CPNE4: variants seen among roughly 807,000 people sequenced by gnomAD.
CPNE4 encodes the protein copine-4.
CPNE4 carries 25 observed loss-of-function variants against 67.9 expected under a neutral mutation model. The ratio of observed to expected loss-of-function variants is 0.37; its 90% CI spans 0.27 to 0.51. The LOEUF is 0.51. Among genes scored for constraint, CPNE4 ranks in the 20% least tolerant of loss-of-function variants. CPNE4 has a pLI of 0.93. For synonymous variants in CPNE4, 242 were observed against 244.9 expected (o/e 0.99, Z 0.11); for missense variants, 464 against 690.8 (o/e 0.67, Z 3.68).
intron 2 of CPNE4, among the ~76,000 whole-genome samples, chr3:131,764,558 T>C (rs552499555): frequency 6.6e-6 from 1 of 152,076 alleles, no homozygotes; most frequent in Admixed American, 6.6e-5. Flanking sequence ...GTGGTGAAAA[T>C]TGTACATTCC....
At chr3:131,946,617 G>A (rs1322910173) in intron 1 of CPNE4, among the ~76,000 whole-genome samples, 2 of 152,118 alleles carry the variant, frequency 1.3e-5, no homozygotes, top group Non-Finnish European at 2.9e-5. Context: ...GTTGAGTTGT[G>A]AGAGTTCTTT....
intron 7 of CPNE4, among the ~76,000 whole-genome samples, chr3:131,667,256 T>C (rs780988461): frequency 6.6e-6 from 1 of 151,962 alleles, no homozygotes; most frequent in African/African-American, 2.4e-5. Flanking sequence ...TCTCTTCTTC[T>C]GATTTTGAAA....
At chr3:131,836,352 A>G (rs1375132821) in intron 2 of CPNE4, among the ~76,000 whole-genome samples, 2 of 152,236 alleles carry the variant, frequency 1.3e-5, no homozygotes, top group African/African-American at 2.4e-5. Flanking sequence ...CTAAAAGAAA[A>G]AAAGTGTACG....
chr3:131,960,172 G>A (rs954608341), intron 1 of CPNE4, among the ~76,000 whole-genome samples: 7 of 150,886 alleles, frequency 4.6e-5, no homozygotes, highest in Non-Finnish European at 1.0e-4. Flanking sequence ...TGGCATAAAA[G>A]GGATTTATAA....
intron 1 of CPNE4, among the ~76,000 whole-genome samples, chr3:131,988,495 G>A (rs2073107084): frequency 2.0e-5 from 3 of 152,184 alleles, no homozygotes; most frequent in African/African-American, 7.2e-5. Context: ...GATGATATTA[G>A]CTTGGATGAG....
At chr3:131,574,106 A>C (rs758904157) in intron 10 of CPNE4, among the ~76,000 whole-genome samples, 82 of 152,164 alleles carry the variant, frequency 5.4e-4, no homozygotes, top group Admixed American at 2.0e-3. Context: ...CTTGGGCCCA[A>C]AGCTTGACTA....
At chr3:131,736,606 T>G (rs1392513252) in intron 2 of CPNE4, among the ~76,000 whole-genome samples, 11 of 109,308 alleles carry the variant, frequency 1.0e-4, no homozygotes, top group Non-Finnish European at 2.1e-4. Flanking sequence ...AGAGCAAGAC[T>G]GTCTCAAAAA....
At chr3:131,615,514 A>T (rs559096197) in intron 7 of CPNE4, among the ~76,000 whole-genome samples, 110 of 152,326 alleles carry the variant, frequency 7.2e-4, no homozygotes, top group African/African-American at 2.6e-3. Flanking sequence ...AACCTCACTA[A>T]TTGAAGAACC....
intron 10 of CPNE4, among the ~76,000 whole-genome samples, chr3:131,566,277 G>C (rs1937053022): frequency 6.6e-6 from 1 of 151,854 alleles, no homozygotes; most frequent in African/African-American, 2.4e-5. Flanking sequence ...TAAAACTTAA[G>C]AAAAGGAAAA....
At chr3:131,852,026 T>C (rs190759234) in intron 2 of CPNE4, among the ~76,000 whole-genome samples, 17 of 152,182 alleles carry the variant, frequency 1.1e-4, no homozygotes, top group South Asian at 6.2e-4. Context: ...CTCTGACTTA[T>C]GCAAGGTCAA....
intron 7 of CPNE4, among the ~76,000 whole-genome samples, chr3:131,612,361 G>C (rs1939898264): frequency 6.6e-6 from 1 of 152,076 alleles, no homozygotes. Flanking sequence ...GCAACAGAGT[G>C]GGACTGTGTG....
Position 131,817,679 on chromosome 3 carries a change from G to A in CPNE4, c.180+87585C>T, listed in dbSNP as rs1240723314. Among the ~76,000 whole-genome samples, 3 of 152,182 alleles carry A rather than the reference G, an allele frequency of 2.0e-5. No individual in the cohort carries two copies. The East Asian group carries it at 5.8e-4, about 29-fold the overall frequency. On this transcript the variant is annotated intron_variant, in intron 2 of 15. Transcript: ENST00000429747. ...CCAGCAAGGGAAAAATGATTGAAAA[G>A]TGCAGGCCAGAACAACACAGAAATT...
chr3:131,952,254 G>C (rs934706814), intron 1 of CPNE4, among the ~76,000 whole-genome samples: 1 of 145,258 alleles, frequency 6.9e-6, no homozygotes, highest in African/African-American at 2.5e-5. Context: ...GCCCGGCCGC[G>C]AACCCGTATG....
At chr3:131,966,226 T>C (rs2072339723) in intron 1 of CPNE4, among the ~76,000 whole-genome samples, 1 of 152,122 alleles carries the variant, frequency 6.6e-6, no homozygotes, top group African/African-American at 2.4e-5. Context: ...TAAAGCAGTG[T>C]TTAGAGGAAA....
chr3:132,017,788 T>G (rs2073916468), intron 1 of CPNE4: 1 of 152,270 alleles, frequency 6.6e-6, no homozygotes, highest in African/African-American at 2.4e-5. Context: ...CTCCTCTTAT[T>G]AGTGCCAAGG....
chr3:131,757,376 T>C (rs1312948844), intron 2 of CPNE4, among the ~76,000 whole-genome samples: 1 of 152,210 alleles, frequency 6.6e-6, no homozygotes, highest in Non-Finnish European at 1.5e-5. Context: ...TGTTATGTTT[T>C]AGCAAAGAGA....
chr3:131,912,028 G>A (rs2107790595), intron 1 of CPNE4, among the ~76,000 whole-genome samples: 1 of 152,266 alleles, frequency 6.6e-6, no homozygotes, highest in South Asian at 2.1e-4. Flanking sequence ...TAGAGAACAG[G>A]ATTAATATAG....
At chr3:131,927,003 G>C (rs533480595) in intron 1 of CPNE4, among the ~76,000 whole-genome samples, 2 of 152,220 alleles carry the variant, frequency 1.3e-5, no homozygotes, top group Admixed American at 1.3e-4. Context: ...GACAGAACAA[G>C]CTGGCCTAAA....
chr3:131,863,475 T>C (rs1368172462), intron 2 of CPNE4, among the ~76,000 whole-genome samples: 2 of 152,360 alleles, frequency 1.3e-5, no homozygotes, highest in East Asian at 1.9e-4. Context: ...ATAAGCATTT[T>C]TACATGTGTC....
Sources: allele counts gnomAD v4.1 joint callset (sites outside exome capture counted in the v4.1 genomes callset), GRCh38; gene constraint gnomAD v4.1.1; transcripts MANE v1.5; gene names NCBI Gene and HGNC (gene_info 2026-07-23, HGNC 2026-07-21).